Variants in AK8 observed in about 807,000 individuals in gnomAD.
The protein encoded by AK8 is ATP-AMP transphosphorylase 8.
In AK8, 44 loss-of-function variants were observed where a neutral mutation model predicts 54.6. That is an observed-to-expected ratio of 0.81 (90% CI 0.63 to 1.04). The LOEUF (loss-of-function observed/expected upper bound fraction) is 1.04. AK8 is among the 50% of genes least tolerant of loss of function. The probability of loss-of-function intolerance (pLI) is 0.00; values close to 1 mark genes in which losing one functional copy is unlikely to be tolerated. For missense variants in AK8, 555 were observed against 613.6 expected, an observed-to-expected ratio of 0.90 and a Z score of 1.01; for synonymous variants, 239 against 245.6, an observed-to-expected ratio of 0.97 and a Z score of 0.25.
At chr9:132,877,804 G>T (rs1378267171) in intron 1 of AK8, 2 of 509,690 alleles carry the variant, frequency 3.9e-6, no homozygotes, top group South Asian at 3.1e-5. Flanking sequence ...AATTGTCAGC[G>T]CCGGGAGAGC....
intron 11 of AK8, among the ~76,000 whole-genome samples, chr9:132,757,121 A>T (rs77634359): frequency 6.6e-6 from 1 of 151,876 alleles, no homozygotes; most frequent in Non-Finnish European, 1.5e-5. Context: ...CACCCGACAG[A>T]TGACAACGGA....
intron 11 of AK8, among the ~76,000 whole-genome samples, chr9:132,751,863 A>C (rs1837942216): frequency 1.3e-5 from 2 of 151,720 alleles, no homozygotes; most frequent in Non-Finnish European, 3.0e-5. Flanking sequence ...ATTTTTGAGA[A>C]GGAGTCTCGC....
In AK8 at chr9:132,826,457, T is replaced by C. The variant is rs1202910005; in HGVS notation, c.757+397A>G. On this transcript the variant is annotated intron_variant, in intron 8 of 12. Coordinates refer to ENST00000298545, the MANE Select transcript of AK8 (RefSeq NM_152572.3). This position sits in a 1 kb window ranked among gnomAD's most constrained non-coding sequence, Gnocchi z 4.5. ...TGTGTGTGTTTTATTGTGTTGTGTGTGGTGGTGGTGGTTTTGTTTTTGTCT... is the reference window on the plus strand; with the variant it reads ...TGTGTGTGTTTTATTGTGTTGTGTGCGGTGGTGGTGGTTTTGTTTTTGTCT... Among the ~76,000 whole-genome samples the C allele has an allele frequency of 6.6e-6, 1 of 152,184 alleles. No individual in the cohort carries two copies. Among genetic ancestry groups the C allele is most frequent in the Non-Finnish European group, 1.5e-5 (1 of 68,028 alleles).
chr9:132,842,303 T>C (rs964802382), intron 5 of AK8, among the ~76,000 whole-genome samples: 3 of 152,182 alleles, frequency 2.0e-5, no homozygotes, highest in African/African-American at 7.2e-5. Flanking sequence ...CCAAATGGCA[T>C]TGATTGATTC....
rs746666636 is a variant in AK8 at position 132,725,925 on chromosome 9, C to A, written c.1203G>T (p.Arg401Ser). 24 of 1,608,982 alleles carry A rather than the reference C, an allele frequency of 1.5e-5. No individual in the cohort carries two copies. The highest frequency in any genetic ancestry group is 4.0e-5 in the African/African-American group (3 of 74,750). The change falls in exon 13 of 13, where the codon AGG (arginine) becomes AGT (serine). Residue 401 changes from arginine (R) to serine (S), a missense_variant and splice_region_variant. Physicochemically the swap from Arg to Ser is moderately radical, Grantham distance 110 (BLOSUM62 -1). Transcript: ENST00000298545. The part of the protein sequence containing the change: ...LRRIDPVTGE[R>S]YHLMYKPPPT... ...GAGGTGGCTTGTACATGAGGTGGTA[C>A]CTGCAAGGGAGGAAGGAAAGCAGGT...
rs999764194 is a variant in AK8, at chr9:132,860,160, C to T, written c.333+3505G>A. ...AGGGCATCAAACGTCTCTTCCAGCC[C>T]GGCCTGGACCCAGAAGCATCACATG... On this transcript the variant is annotated intron_variant, in intron 4 of 12. Transcript: ENST00000298545. The surrounding 1 kb of genome is among the most constrained non-coding windows in gnomAD (Gnocchi z 4.4). 3.3e-5 allele frequency among the ~76,000 whole-genome samples: 5 copies of T among 152,042 alleles called. No homozygotes were observed. In the East Asian group the frequency reaches 5.8e-4, roughly 18 times the overall value.
intron 10 of AK8, among the ~76,000 whole-genome samples, chr9:132,808,323 C>A (rs960805005): frequency 6.6e-6 from 1 of 152,060 alleles, no homozygotes; most frequent in Non-Finnish European, 1.5e-5. Context: ...CAAGTCAGAA[C>A]GAGTTTAGGG....
At chr9:132,831,153 A>G (rs1438459592) in intron 5 of AK8, among the ~76,000 whole-genome samples, 1 of 151,894 alleles carries the variant, frequency 6.6e-6, no homozygotes, top group African/African-American at 2.4e-5. Flanking sequence ...TTGTTGTTTT[A>G]TAAGTTATCG....
At position 132,860,590 on chromosome 9, in the gene AK8, C is replaced by T. The variant is rs1203127944; in HGVS notation, c.333+3075G>A. Among the ~76,000 whole-genome samples the T allele has an allele frequency of 1.3e-5, 2 of 152,224 alleles. No homozygotes were observed. The highest frequency in any genetic ancestry group is 2.4e-5 in the African/African-American group (1 of 41,466). On this transcript the variant is annotated intron_variant, in intron 4 of 12. Transcript: ENST00000298545. This position sits in a 1 kb window ranked among gnomAD's most constrained non-coding sequence, Gnocchi z 4.4. ...GAGGTGGGCATTCTACAGGACTAGACAGGGGAGCATGTTTGGCTTTCTCTG... is the reference window on the plus strand; with the variant it reads ...GAGGTGGGCATTCTACAGGACTAGATAGGGGAGCATGTTTGGCTTTCTCTG...
chr9:132,758,199 C>T (rs1276388265), intron 11 of AK8, among the ~76,000 whole-genome samples: 1 of 152,236 alleles, frequency 6.6e-6, no homozygotes. Flanking sequence ...CTACAGTTCC[C>T]TTCCAGGCTT....
chr9:132,765,063 C>T (rs560169125), intron 11 of AK8, among the ~76,000 whole-genome samples: 39 of 152,144 alleles, frequency 2.6e-4, no homozygotes, highest in Admixed American at 1.2e-3. Flanking sequence ...GAGGCCAAGG[C>T]GGGCAGATTG....
chr9:132,813,719 C>T (rs753342376), intron 10 of AK8, among the ~76,000 whole-genome samples: 4 of 152,310 alleles, frequency 2.6e-5, no homozygotes, highest in South Asian at 2.1e-4. Context: ...GAGGCTCCTT[C>T]GTGGACTCAG....
intron 9 of AK8, among the ~76,000 whole-genome samples, chr9:132,822,584 T>C (rs1841693010): frequency 6.6e-6 from 1 of 152,130 alleles, no homozygotes; most frequent in Admixed American, 6.5e-5. Flanking sequence ...AGTGTGTCTC[T>C]GCTACAGTTT....
At chr9:132,832,630 A>G (rs978930027) in intron 5 of AK8, among the ~76,000 whole-genome samples, 1 of 152,220 alleles carries the variant, frequency 6.6e-6, no homozygotes, top group Non-Finnish European at 1.5e-5. Flanking sequence ...CAGCACTGAA[A>G]AAGGCCTCTG....
chr9:132,792,851 C>A, intron 10 of AK8, 76 bp from the exon 11 acceptor site: 1 of 1,478,000 alleles, frequency 6.8e-7, no homozygotes, highest in South Asian at 1.4e-5. Context: ...CTTTACTTGG[C>A]CATAGATTGA....
chr9:132,855,093 C>A (rs1019492999), intron 4 of AK8, among the ~76,000 whole-genome samples, 168 bp from the exon 5 acceptor site: 8 of 152,240 alleles, frequency 5.3e-5, no homozygotes, highest in Non-Finnish European at 8.8e-5. Flanking sequence ...ACTCTCTTCT[C>A]CCCCCAGCAT....
chr9:132,809,976 G>A (rs1369578119), intron 10 of AK8, among the ~76,000 whole-genome samples: 1 of 152,236 alleles, frequency 6.6e-6, no homozygotes, highest in East Asian at 1.9e-4. Flanking sequence ...TCCTGTTTCA[G>A]CTGGCGGTGA....
intron 4 of AK8, among the ~76,000 whole-genome samples, chr9:132,858,611 T>A (rs553846769): frequency 3.5e-4 from 54 of 152,298 alleles, no homozygotes; most frequent in African/African-American, 1.0e-3. Context: ...CTCCTCCTGG[T>A]AGACGAGGGA....
chr9:132,846,149 TA>T (rs1478089681), intron 5 of AK8, among the ~76,000 whole-genome samples: 1 of 152,220 alleles, frequency 6.6e-6, no homozygotes, highest in Non-Finnish European at 1.5e-5. Context: ...CTGTAACTTG[TA>T]AAAATTACTT....
Sources: gnomAD v4.1 joint callset for allele counts (sites outside exome capture counted in the v4.1 genomes callset) on GRCh38, gnomAD v4.1.1 for gene constraint, Gnocchi (gnomAD v3.1) non-coding constraint, MANE v1.5 for transcripts, NCBI Gene and HGNC (gene_info 2026-07-23, HGNC 2026-07-21) for gene names.